The following DHX9 variants were observed in gnomAD, a reference collection of about 807,000 sequenced individuals.
DHX9 encodes the protein ATP-dependent RNA helicase A.
A neutral mutation model predicts 148.7 loss-of-function variants in DHX9; 27 were observed. That is an observed-to-expected ratio of 0.18 (90% CI 0.13 to 0.25). DHX9 has a LOEUF of 0.25. Ranked by LOEUF, DHX9 falls within the 10% of genes least tolerant of loss-of-function variation. The probability of loss-of-function intolerance (pLI) is 1.00; values close to 1 mark genes in which losing one functional copy is unlikely to be tolerated. For synonymous variants in DHX9, 529 were observed against 516.6 expected (o/e 1.02, Z -0.33); for missense variants, 796 against 1,559.6 (o/e 0.51, Z 8.25).
intron 10 of DHX9, 21 bp downstream of exon 10, chr1:182,858,915 G>A (rs1668304941): frequency 6.2e-7 from 1 of 1,613,326 alleles, no homozygotes; most frequent in Admixed American, 1.7e-5. Flanking sequence ...TATTGTTTTT[G>A]AGATCAGAGT....
At chr1:182,886,184 AATTTATTT>A (rs144933520) in intron 27 of DHX9, among the ~76,000 whole-genome samples, 22,550 of 149,462 alleles carry the variant, frequency 0.15, 2,434 homozygotes, top group African/African-American at 0.31. Flanking sequence ...TTTTTTTTTA[AATTTATTT>A]ATTTATTTAT....
At chr1:182,852,385 A>G in intron 4 of DHX9, 41 bp downstream of exon 4, 1 of 1,380,772 alleles carries the variant, frequency 7.2e-7, no homozygotes, top group Non-Finnish European at 1.0e-6. Context: ...AGAATAAGAT[A>G]TACACAATCT....
At chr1:182,873,353 G>A (rs758551087) in intron 15 of DHX9, among the ~76,000 whole-genome samples, 26 of 152,154 alleles carry the variant, frequency 1.7e-4, no homozygotes, top group Non-Finnish European at 2.8e-4. Flanking sequence ...TCTAATTGAG[G>A]GCATGAAAAT....
intron 3 of DHX9, among the ~76,000 whole-genome samples, chr1:182,846,053 G>T (rs1342737766): frequency 6.6e-6 from 1 of 152,092 alleles, no homozygotes. Context: ...CTGGGAGGTG[G>T]GACCGAAAGT....
At chr1:182,886,370 ATT>A (rs1342419222) in intron 27 of DHX9, among the ~76,000 whole-genome samples, 1 of 151,566 alleles carries the variant, frequency 6.6e-6, no homozygotes, top group East Asian at 1.9e-4. Flanking sequence ...TAATTTTTGT[ATT>A]TTTAGTAGAA....
At position 182,867,053 on chromosome 1, in the gene DHX9, T is replaced by G. The variant is rs769381060; in HGVS notation, c.1557+10T>G. ...TGAAAGAGATATTAATGTAAGTAAC[T>G]TGAGAGGTACAGTAAGGTACTTAAT... On this transcript the variant is annotated intron_variant, in intron 14 of 27. Transcript: ENST00000367549. 2 of 1,561,784 alleles carry G rather than the reference T, an allele frequency of 1.3e-6. No homozygotes were observed. The highest frequency in any genetic ancestry group is 1.7e-6 in the Non-Finnish European group (2 of 1,146,416).
At position 182,876,110 on chromosome 1, in the gene DHX9, C is replaced by A; in HGVS notation, c.1876C>A (p.Gln626Lys). ...YGPETRLSMS[Q>K]LNEKETPFEL... ...TCCAGAAACAAGGTTGAGCATGTCT[C>A]AATTGAACGAAAAGGAAACTCCTTT... is the stretch of plus-strand genomic sequence containing the variant. Residue 626 changes from glutamine to lysine, a missense_variant, in exon 17 of 28, where the codon CAA (glutamine) becomes AAA (lysine). By Grantham distance (53) the Gln-to-Lys change is moderately conservative. Around this residue, in one of 14 missense-constraint regions of DHX9, gnomAD observed 133 missense variants for 223.8 expected, o/e 0.59. Coordinates refer to ENST00000367549, the MANE Select transcript of DHX9 (RefSeq NM_001357.5). 1 of 1,613,910 alleles carries A rather than the reference C, an allele frequency of 6.2e-7. No homozygotes were observed. Among genetic ancestry groups the A allele is most frequent in the Non-Finnish European group, 8.5e-7 (1 of 1,179,868 alleles).
intron 12 of DHX9, among the ~76,000 whole-genome samples, chr1:182,861,602 G>C (rs759465908): frequency 6.6e-6 from 1 of 152,260 alleles, no homozygotes; most frequent in Middle Eastern, 3.4e-3. Flanking sequence ...TTTAACAAGC[G>C]AGCTGTGAAG....
intron 7 of DHX9, among the ~76,000 whole-genome samples, chr1:182,856,784 T>TA (rs1490200557): frequency 2.6e-5 from 4 of 152,232 alleles, no homozygotes; most frequent in African/African-American, 9.6e-5. Flanking sequence ...CAGACCATGT[T>TA]AGTGTAATCT....
chr1:182,884,472 A>G (rs913498787), intron 26 of DHX9, 141 bp from the exon 27 acceptor site: 4 of 744,526 alleles, frequency 5.4e-6, no homozygotes, highest in Admixed American at 2.9e-5. Flanking sequence ...GTTTGGGGCC[A>G]TTATAAGTAG....
chr1:182,883,940 C>T (rs1217640223), intron 26 of DHX9, among the ~76,000 whole-genome samples: 1 of 152,132 alleles, frequency 6.6e-6, no homozygotes, highest in African/African-American at 2.4e-5. Context: ...GCTTAATGGA[C>T]AGCCAGTAGG....
intron 12 of DHX9, among the ~76,000 whole-genome samples, chr1:182,865,711 G>T (rs1333493937): frequency 2.6e-5 from 4 of 152,066 alleles, no homozygotes; most frequent in Non-Finnish European, 5.9e-5. Context: ...CAAATCCAAG[G>T]CACCTTAAAA....
chr1:182,844,471 G>C (rs534887016), intron 3 of DHX9, among the ~76,000 whole-genome samples: 1 of 152,190 alleles, frequency 6.6e-6, no homozygotes, highest in Non-Finnish European at 1.5e-5. Flanking sequence ...CTCTTCCCCA[G>C]TAGCTGGGAC....
In DHX9 at chr1:182,866,578, T is replaced by C; in HGVS notation, c.1467T>C (p.Cys489=). ...LPRPHASIMF[C]TVGVLLRKLE... ...GTCCTCATGCCAGTATAATGTTTTG[T>C]ACTGTAGGTCAGTAATGTATTTTGA... Residue 489 remains cysteine (C), a synonymous_variant, in exon 13 of 28, where the codon TGT becomes TGC. Coordinates refer to ENST00000367549, the MANE Select transcript of DHX9 (RefSeq NM_001357.5). 6.2e-7 allele frequency: 1 copy of C among 1,613,622 alleles called. No homozygotes were observed. Among genetic ancestry groups the C allele is most frequent in the South Asian group, 1.1e-5 (1 of 90,980 alleles).
At chr1:182,881,178 T>A in intron 22 of DHX9, 86 bp from the exon 23 acceptor site, 1 of 1,383,534 alleles carries the variant, frequency 7.2e-7, no homozygotes, top group Non-Finnish European at 9.8e-7. Flanking sequence ...CCATAAAGAC[T>A]GCAACCCACA....
chr1:182,859,061 A>G lies in DHX9; in HGVS notation c.1084A>G (p.Met362Val), dbSNP rs1668307716. 4 of 1,614,180 alleles carry G rather than the reference A, an allele frequency of 2.5e-6. No individual in the cohort carries two copies. Among genetic ancestry groups the G allele is most frequent in the Non-Finnish European group, 3.4e-6 (4 of 1,180,018 alleles). Residue 362 changes from methionine (M) to valine (V), a missense_variant, in exon 11 of 28, where the codon ATG becomes GTG. By Grantham distance (21) the Met-to-Val change is conservative. Around this residue, in one of 14 missense-constraint regions of DHX9, gnomAD observed 11 missense variants for 42.5 expected, o/e 0.26. Coordinates refer to ENST00000367549, the MANE Select transcript of DHX9 (RefSeq NM_001357.5). The part of the protein sequence containing the change: ...LAFATPEQIS[M>V]DLKNELMYQL... ...ACAGGCTACTCCAGAGCAAATAAGC[A>G]TGGACCTCAAGAATGAATTGATGTA...
Position 182,887,604 on chromosome 1 carries a change from T to A in DHX9, c.*170T>A. On this transcript the variant is annotated 3_prime_UTR_variant, in exon 28 of 28. Coordinates refer to ENST00000367549, the MANE Select transcript of DHX9 (RefSeq NM_001357.5). ...CCAAGCATATAGATGCATTAGTGAT[T>A]TTGTTTATATTATGTAAAATATAAC... 1.7e-6 allele frequency: 1 copy of A among 589,252 alleles called. No homozygotes were observed. Among genetic ancestry groups the A allele is most frequent in the Admixed American group, 3.0e-5 (1 of 33,048 alleles). 36.5% of individuals were successfully genotyped at this position (589,252 alleles called of 1,614,324 possible).
intron 3 of DHX9, among the ~76,000 whole-genome samples, chr1:182,846,953 A>G (rs1413220322): frequency 1.3e-5 from 2 of 150,408 alleles, no homozygotes; most frequent in Non-Finnish European, 3.0e-5. Flanking sequence ...TTTATTGATT[A>G]TCTTCAGATT....
At chr1:182,841,776 T>G (rs749942945) in intron 1 of DHX9, among the ~76,000 whole-genome samples, 32 of 152,266 alleles carry the variant, frequency 2.1e-4, no homozygotes, top group African/African-American at 2.4e-5. Context: ...AGACTCAGCA[T>G]TTAGACTGAT....
Sources: gnomAD v4.1 joint callset for allele counts (sites outside exome capture counted in the v4.1 genomes callset) on GRCh38, gnomAD v4.1.1 for gene constraint, gnomAD v4.1.1 regional missense constraint, MANE v1.5 for transcripts, NCBI Gene and HGNC (gene_info 2026-07-23, HGNC 2026-07-21) for gene names.